The following ZC3H12B variants were observed in gnomAD, a reference collection of about 807,000 sequenced individuals.
The protein encoded by ZC3H12B is zinc finger CCCH-type containing 12B.
ZC3H12B carries 7 observed loss-of-function variants against 43.9 expected under a neutral mutation model. The ratio of observed to expected loss-of-function variants is 0.16; its 90% confidence interval spans 0.09 to 0.30. The LOEUF is 0.30. ZC3H12B is among the 10% of genes least tolerant of loss of function. The pLI is 1.00. For missense variants in ZC3H12B, 475 were observed against 670.2 expected (o/e 0.71, Z 3.22); for synonymous variants, 222 against 241.7 (o/e 0.92, Z 0.76).
the ZC3H12B span, among the ~76,000 whole-genome samples, chrX:65,268,342 G>T: frequency 9.0e-6 from 1 of 111,587 alleles, no homozygotes; most frequent in East Asian, 2.8e-4. Context: ...AAGAAGAATT[G>T]TTACCAATAA....
intron 4 of ZC3H12B, among the ~76,000 whole-genome samples, chrX:65,500,724 C>T (rs2068354017): frequency 1.8e-5 from 2 of 109,888 alleles, no homozygotes; most frequent in African/African-American, 6.6e-5. Flanking sequence ...CCACCGTGCC[C>T]GGCCCCTTTC....
chrX:65,488,791 C>T (rs1166411272), exon 1 of ZC3H12B: 1 of 1,165,407 alleles, frequency 8.6e-7, no homozygotes, highest in African/African-American at 1.8e-5. Context: ...TCAGACGACC[C>T]ACTAAACGGG....
the ZC3H12B span, among the ~76,000 whole-genome samples, chrX:65,105,241 C>T: frequency 9.2e-6 from 1 of 108,878 alleles, no homozygotes; most frequent in African/African-American, 3.4e-5. Flanking sequence ...CATCACACAT[C>T]AGGGCCTGTC....
chrX:65,173,927 TG>T, the ZC3H12B span, among the ~76,000 whole-genome samples: 1 of 111,457 alleles, frequency 9.0e-6, no homozygotes, highest in Admixed American at 9.5e-5. Flanking sequence ...GGTTCTTATG[TG>T]GGGGTCCTTT....
intron 3 of ZC3H12B, among the ~76,000 whole-genome samples, chrX:65,480,169 A>G (rs778996672): frequency 8.9e-6 from 1 of 112,437 alleles, no homozygotes; most frequent in Non-Finnish European, 1.9e-5. Flanking sequence ...TGTCATTCCC[A>G]CTGACATCAT....
chrX:65,062,485 T>C, the ZC3H12B span, among the ~76,000 whole-genome samples: 1 of 111,752 alleles, frequency 8.9e-6, no homozygotes, highest in Admixed American at 9.5e-5. Flanking sequence ...TGTGGTGTTA[T>C]TTCTGAGACC....
At chrX:65,433,334 C>T (rs1410903532) in intron 3 of ZC3H12B, among the ~76,000 whole-genome samples, 1 of 112,216 alleles carries the variant, frequency 8.9e-6, no homozygotes, top group Non-Finnish European at 1.9e-5. Context: ...GCAATACCAC[C>T]TGAAATCCAG....
chrX:65,067,450 G>C, the ZC3H12B span, among the ~76,000 whole-genome samples: 1 of 110,531 alleles, frequency 9.0e-6, no homozygotes, highest in Non-Finnish European at 1.9e-5. Flanking sequence ...CTCTACTTCC[G>C]CTTGCCCTCT....
intron 2 of ZC3H12B, among the ~76,000 whole-genome samples, chrX:65,386,049 G>C (rs1330590177): frequency 2.7e-5 from 3 of 112,349 alleles, no homozygotes; most frequent in Non-Finnish European, 3.8e-5. Flanking sequence ...CGGTTTACCA[G>C]TATTTTATTG....
chrX:65,133,857 G>C, the ZC3H12B span, among the ~76,000 whole-genome samples: 1 of 110,622 alleles, frequency 9.0e-6, no homozygotes, highest in Non-Finnish European at 1.9e-5. Context: ...ACTGGGAGTA[G>C]AGATGAGGGA....
chrX:65,168,143 G>C, the ZC3H12B span, among the ~76,000 whole-genome samples: 2 of 111,561 alleles, frequency 1.8e-5, no homozygotes, highest in Admixed American at 1.9e-4. Flanking sequence ...TCCAGTTTTT[G>C]CCCATTTAGT....
the ZC3H12B span, among the ~76,000 whole-genome samples, chrX:65,061,135 T>A: frequency 1.8e-4 from 20 of 111,980 alleles, no homozygotes; most frequent in African/African-American, 2.3e-4. Context: ...TATGTTTTTT[T>A]ATTTTTATTC....
intron 2 of ZC3H12B, among the ~76,000 whole-genome samples, chrX:65,377,414 A>G (rs1436753121): frequency 9.0e-6 from 1 of 110,657 alleles, no homozygotes; most frequent in Non-Finnish European, 1.9e-5. Context: ...TAAGTACAAG[A>G]AGGTTACAGA....
chrX:65,253,907 G>A, the ZC3H12B span, among the ~76,000 whole-genome samples: 1 of 112,063 alleles, frequency 8.9e-6, no homozygotes, highest in Non-Finnish European at 1.9e-5. Flanking sequence ...CGTGAGCAGA[G>A]GCAGACATTG....
chrX:65,211,899 T>TATATA, the ZC3H12B span, among the ~76,000 whole-genome samples: 1 of 74,906 alleles, frequency 1.3e-5, no homozygotes, highest in East Asian at 4.1e-4. Context: ...TACTATATAA[T>TATATA]ATATATGTTA....
At chrX:65,329,933 G>C in the ZC3H12B span, among the ~76,000 whole-genome samples, 2 of 111,909 alleles carry the variant, frequency 1.8e-5, no homozygotes, top group Non-Finnish European at 3.8e-5. Flanking sequence ...CCAGTACCAT[G>C]CTGTTTTGGT....
chrX:65,262,665 G>T, the ZC3H12B span, among the ~76,000 whole-genome samples: 1 of 110,682 alleles, frequency 9.0e-6, no homozygotes, highest in Non-Finnish European at 1.9e-5. Context: ...AATATAAATA[G>T]TAGCTATGTT....
the ZC3H12B span, among the ~76,000 whole-genome samples, chrX:65,213,762 A>C: frequency 9.1e-6 from 1 of 110,215 alleles, no homozygotes; most frequent in South Asian, 3.9e-4. Flanking sequence ...CATCTTTATT[A>C]CTGATTTGTA....
the ZC3H12B span, among the ~76,000 whole-genome samples, chrX:65,083,205 A>G: frequency 4.5e-5 from 5 of 111,448 alleles, no homozygotes; most frequent in African/African-American, 1.6e-4. Context: ...CGGGAATGCA[A>G]CAAGGATGCC....
Sources: gnomAD v4.1 joint callset for allele counts (sites outside exome capture counted in the v4.1 genomes callset) on GRCh38, gnomAD v4.1.1 for gene constraint, MANE v1.5 for transcripts, NCBI Gene and HGNC (gene_info 2026-07-23, HGNC 2026-07-21) for gene names.